Variants in BCAS3 observed in about 807,000 individuals in gnomAD.
BCAS3 encodes BCAS4/BCAS3 fusion.
Under a neutral mutation model 116.1 loss-of-function variants are expected in BCAS3, and 53 were observed. That is an observed-to-expected ratio of 0.46 (90% CI 0.37 to 0.57). The LOEUF is 0.57. BCAS3 is among the 20% of genes least tolerant of loss of function. BCAS3 has a pLI of 0.00. For synonymous variants in BCAS3, 391 were observed against 408.2 expected (o/e 0.96, Z 0.51); for missense variants, 917 against 1,165.4 (o/e 0.79, Z 3.10).
At chr17:61,301,458 C>T (rs1408478615) in intron 22 of BCAS3, among the ~76,000 whole-genome samples, 3 of 152,050 alleles carry the variant, frequency 2.0e-5, no homozygotes, top group Non-Finnish European at 4.4e-5. Context: ...ATACTGAAAC[C>T]CCATCTCTGC....
intron 5 of BCAS3, among the ~76,000 whole-genome samples, chr17:60,719,157 G>A (rs564687508): frequency 1.3e-5 from 2 of 152,184 alleles, no homozygotes; most frequent in Non-Finnish European, 2.9e-5. Context: ...AATAAGAAAG[G>A]TATGTGAAGA....
At chr17:61,166,949 G>A (rs957508404) in intron 22 of BCAS3, among the ~76,000 whole-genome samples, 1 of 152,000 alleles carries the variant, frequency 6.6e-6, no homozygotes, top group Non-Finnish European at 1.5e-5. Flanking sequence ...CAACAATGTG[G>A]AGACCCAGGC....
At position 61,023,604 on chromosome 17, in the gene BCAS3, A is replaced by G. The variant is rs1290406805; in HGVS notation, c.1637+7703A>G. On this transcript the variant is annotated intron_variant, in intron 16 of 23. Coordinates refer to ENST00000407086, the MANE Select transcript of BCAS3 (RefSeq NM_017679.5). The surrounding 1 kb of genome is among the most constrained non-coding windows in gnomAD (Gnocchi z 4.8). Reference sequence around the variant, plus strand: ...CGTGTTTACCTTGTTTTCAGCTAGTAAGATTGAAGACTTTGTGGCACCATG... The same window carrying G: ...CGTGTTTACCTTGTTTTCAGCTAGTGAGATTGAAGACTTTGTGGCACCATG... 6.6e-6 allele frequency among the ~76,000 whole-genome samples: 1 copy of G among 152,196 alleles called. No homozygotes were observed. The highest frequency in any genetic ancestry group is 1.5e-5 in the Non-Finnish European group (1 of 68,024).
chr17:60,732,486 C>G (rs2040555918), intron 5 of BCAS3, among the ~76,000 whole-genome samples: 1 of 152,116 alleles, frequency 6.6e-6, no homozygotes, highest in Admixed American at 6.5e-5. Context: ...ATGCTGCTTA[C>G]CACCTTGGTA....
intron 22 of BCAS3, among the ~76,000 whole-genome samples, chr17:61,312,810 G>C (rs2054423513): frequency 1.3e-5 from 2 of 152,176 alleles, no homozygotes; most frequent in South Asian, 4.1e-4. Flanking sequence ...GTGAGCTTCA[G>C]CAGTAGCCTC....
chr17:61,368,163 G>A lies in BCAS3; in HGVS notation c.2426-164G>A, dbSNP rs115778963. 578 of 624,236 alleles carry A rather than the reference G, an allele frequency of 9.3e-4. 3 individuals are homozygous for A. The African/African-American group carries it at 9.5e-3, about 10-fold the overall frequency. The allele number at this position is 624,236 out of a possible 1,614,324, so 38.7% of individuals were successfully genotyped here. Reference sequence around the variant, plus strand: ...GAGGTCTGCACTCTCTCAGCGGCATGAGCTATTTCTCCTGCGCTACCCAGT... The same window carrying A: ...GAGGTCTGCACTCTCTCAGCGGCATAAGCTATTTCTCCTGCGCTACCCAGT... On this transcript the variant is annotated intron_variant, in intron 22 of 23. Transcript: ENST00000407086. The surrounding 1 kb of genome is among the most constrained non-coding windows in gnomAD (Gnocchi z 6.0).
intron 22 of BCAS3, among the ~76,000 whole-genome samples, chr17:61,334,664 CAAAAAA>C (rs35400660): frequency 2.5e-3 from 127 of 50,908 alleles, no homozygotes; most frequent in African/African-American, 8.2e-3. Context: ...AACTCCATCT[CAAAAAA>C]AAAAAAAAAA....
At chr17:61,093,974 A>G (rs947515864) in intron 22 of BCAS3, among the ~76,000 whole-genome samples, 3 of 152,232 alleles carry the variant, frequency 2.0e-5, no homozygotes, top group Non-Finnish European at 4.4e-5. Context: ...CAAGTGGTCT[A>G]TTAAGTCAAA....
At chr17:61,069,526 A>G (rs932485482) in intron 19 of BCAS3, among the ~76,000 whole-genome samples, 1 of 152,116 alleles carries the variant, frequency 6.6e-6, no homozygotes, top group Non-Finnish European at 1.5e-5. Flanking sequence ...CTACTATTCA[A>G]TGTCCACCTG....
intron 2 of BCAS3, among the ~76,000 whole-genome samples, chr17:60,683,423 C>T (rs113781985): frequency 0.036 from 5,379 of 147,666 alleles, 126 homozygotes; most frequent in Admixed American, 0.055. Context: ...ATGTTAAAAG[C>T]CCATTTACAT....
chr17:60,764,159 A>ATT (rs151033791), intron 6 of BCAS3, among the ~76,000 whole-genome samples: 6,409 of 147,048 alleles, frequency 0.044, 525 homozygotes, highest in African/African-American at 0.15. Context: ...GGATTCATTG[A>ATT]TTTTTTTTTT....
intron 22 of BCAS3, among the ~76,000 whole-genome samples, chr17:61,262,309 A>G (rs1443736081): frequency 2.0e-5 from 3 of 152,198 alleles, no homozygotes; most frequent in Non-Finnish European, 2.9e-5. Context: ...TTTACAGGAA[A>G]TGTATAAGGC....
intron 13 of BCAS3, among the ~76,000 whole-genome samples, chr17:60,945,228 C>G (rs1472200610): frequency 2.0e-5 from 3 of 152,022 alleles, no homozygotes; most frequent in Non-Finnish European, 4.4e-5. Flanking sequence ...ATCTGTGTGT[C>G]AAACAAAAAG....
intron 18 of BCAS3, among the ~76,000 whole-genome samples, chr17:61,040,035 CA>C (rs1444062952): frequency 6.6e-6 from 1 of 151,600 alleles, no homozygotes; most frequent in Non-Finnish European, 1.5e-5. Flanking sequence ...AAGCTATAAC[CA>C]AAAGGAAAAA....
At chr17:61,292,432 C>T (rs1288400523) in intron 22 of BCAS3, among the ~76,000 whole-genome samples, 4 of 152,100 alleles carry the variant, frequency 2.6e-5, no homozygotes, top group African/African-American at 9.7e-5. Flanking sequence ...GGGCAGATCA[C>T]TTTGAGCTCA....
intron 21 of BCAS3, among the ~76,000 whole-genome samples, chr17:61,080,851 C>T (rs1380710360): frequency 6.6e-6 from 1 of 152,294 alleles, no homozygotes; most frequent in East Asian, 1.9e-4. Context: ...TTTTTGTTTA[C>T]TCTGCTTTGT....
At chr17:60,977,006 C>T (rs546745935) in intron 14 of BCAS3, among the ~76,000 whole-genome samples, 135 of 151,946 alleles carry the variant, frequency 8.9e-4, no homozygotes, top group African/African-American at 2.8e-3. Context: ...ACTTCCCAGA[C>T]GGGGCGGCCG....
At chr17:61,062,152 C>G (rs1242888108) in intron 19 of BCAS3, among the ~76,000 whole-genome samples, 1 of 152,088 alleles carries the variant, frequency 6.6e-6, no homozygotes, top group African/African-American at 2.4e-5. Context: ...TCCTATTCCA[C>G]AACTTTTAAT....
At position 61,246,792 on chromosome 17, in the gene BCAS3, AGTGTGTGTGTGTGT is replaced by A. The variant is rs61382195; in HGVS notation, c.2426-121510_2426-121497del. 2.6e-3 allele frequency among the ~76,000 whole-genome samples: 376 copies of A among 144,230 alleles called. 2 individuals carry two copies. The highest frequency in any genetic ancestry group is 8.9e-3 in the African/African-American group (350 of 39,354). The allele number at this position is 144,230 out of a possible 152,430, so 94.6% of individuals were successfully genotyped here. On this transcript the variant is annotated intron_variant, in intron 22 of 23. Transcript: ENST00000407086. The stretch of plus-strand genomic sequence containing the variant: ...ATGGGTAGTTTTGCCTTTGAGTGAG[AGTGTGTGTGTGTGT>A]GTGTGTGTGTGTGTGTGTGTGTGTA...
Sources: allele counts gnomAD v4.1 joint callset (sites outside exome capture counted in the v4.1 genomes callset), GRCh38; gene constraint gnomAD v4.1.1; non-coding constraint Gnocchi (gnomAD v3.1); transcripts MANE v1.5; gene names NCBI Gene and HGNC (gene_info 2026-07-23, HGNC 2026-07-21).